The following PIK3C3 variants were observed in gnomAD, a reference collection of about 807,000 sequenced individuals.
The protein encoded by PIK3C3 is PI3-kinase type 3.
A neutral mutation model predicts 126.1 loss-of-function variants in PIK3C3; 95 were observed. The observed-to-expected ratio is 0.75, with a 90% CI of 0.64 to 0.89. PIK3C3 has a LOEUF of 0.89. Among genes scored for constraint, PIK3C3 ranks in the 40% least tolerant of loss-of-function variants. PIK3C3 has a pLI of 0.00. For synonymous variants in PIK3C3, 374 were observed against 360.0 expected, an observed-to-expected ratio of 1.04 and a Z score of -0.44; for missense variants, 829 against 1,063.2, an observed-to-expected ratio of 0.78 and a Z score of 3.06.
intron 4 of PIK3C3, among the ~76,000 whole-genome samples, chr18:41,975,824 C>T (rs1368119378): frequency 1.3e-5 from 2 of 151,974 alleles, no homozygotes; most frequent in Middle Eastern, 3.4e-3. Context: ...CTCAGCCTCC[C>T]AGGTAGCTGT....
chr18:42,045,762 G>A (rs764447194), intron 20 of PIK3C3, among the ~76,000 whole-genome samples: 11 of 152,016 alleles, frequency 7.2e-5, no homozygotes, highest in Non-Finnish European at 1.3e-4. Flanking sequence ...CAGAATTTGT[G>A]GCCATTTCCA....
At chr18:42,039,766 A>C (rs1033691612) in intron 18 of PIK3C3, among the ~76,000 whole-genome samples, 1 of 152,276 alleles carries the variant, frequency 6.6e-6, no homozygotes, top group Non-Finnish European at 1.5e-5. Context: ...CCCTTTATTC[A>C]TAGTATTTAC....
chr18:41,955,401 T>C, intron 1 of PIK3C3, 42 bp downstream of exon 1: 6 of 1,550,768 alleles, frequency 3.9e-6, no homozygotes, highest in Non-Finnish European at 5.3e-6. Context: ...TGCTGGGGCG[T>C]AGGGACGTGG....
intron 20 of PIK3C3, among the ~76,000 whole-genome samples, chr18:42,044,681 A>C (rs1016951731): frequency 6.6e-6 from 1 of 152,132 alleles, no homozygotes; most frequent in African/African-American, 2.4e-5. Context: ...TGGCCTCCCA[A>C]AGTGCAAAGA....
chr18:41,981,614 T>G (rs1309971021), intron 4 of PIK3C3, among the ~76,000 whole-genome samples: 1 of 152,100 alleles, frequency 6.6e-6, no homozygotes, highest in Non-Finnish European at 1.5e-5. Flanking sequence ...CTAATCTCAG[T>G]AGTTCAAATA....
At chr18:42,029,533 AATTTT>A in intron 15 of PIK3C3, 92 bp downstream of exon 15, 1 of 373,870 alleles carries the variant, frequency 2.7e-6, no homozygotes, top group Non-Finnish European at 4.9e-6. Flanking sequence ...TTGATACGTG[AATTTT>A]TTTTTTTTTT....
At chr18:41,975,985 C>G (rs1283272367) in intron 4 of PIK3C3, among the ~76,000 whole-genome samples, 1 of 152,140 alleles carries the variant, frequency 6.6e-6, no homozygotes, top group Non-Finnish European at 1.5e-5. Context: ...CAGGCGTGAG[C>G]CACCACGCCT....
intron 4 of PIK3C3, among the ~76,000 whole-genome samples, chr18:41,983,970 AC>A (rs774178254): frequency 6.3e-5 from 9 of 143,668 alleles, no homozygotes; most frequent in Non-Finnish European, 9.1e-5. Context: ...TTTTTTTGTG[AC>A]AGTGTACTTT....
At chr18:42,022,469 C>T (rs933356052) in intron 13 of PIK3C3, among the ~76,000 whole-genome samples, 7 of 152,036 alleles carry the variant, frequency 4.6e-5, no homozygotes, top group Non-Finnish European at 7.4e-5. Flanking sequence ...ATGAACTCAT[C>T]CTTTTTTATG....
intron 7 of PIK3C3, 102 bp from the exon 8 acceptor site, chr18:41,995,788 G>A (rs1981996378): frequency 1.3e-6 from 1 of 756,882 alleles, no homozygotes; most frequent in Non-Finnish European, 2.3e-6. Context: ...CAAAACATTA[G>A]ATATTATTAA....
intron 9 of PIK3C3, among the ~76,000 whole-genome samples, chr18:41,998,192 C>A (rs978646155): frequency 2.6e-5 from 4 of 151,990 alleles, no homozygotes; most frequent in African/African-American, 9.7e-5. Flanking sequence ...CCTTTATATC[C>A]ATAATAAGAA....
chr18:41,968,818 G>GT (rs147168600), intron 3 of PIK3C3, among the ~76,000 whole-genome samples: 5,472 of 147,126 alleles, frequency 0.037, 314 homozygotes, highest in African/African-American at 0.13. Context: ...TTTTTTTGTT[G>GT]TTTTTTTTTT....
intron 24 of PIK3C3, among the ~76,000 whole-genome samples, chr18:42,073,224 C>T (rs1985849114): frequency 6.6e-6 from 1 of 152,204 alleles, no homozygotes; most frequent in East Asian, 1.9e-4. Context: ...GGAATCCTTA[C>T]TCATCACTTG....
intron 4 of PIK3C3, among the ~76,000 whole-genome samples, chr18:41,981,849 G>T (rs536519991): frequency 2.0e-5 from 3 of 151,416 alleles, no homozygotes; most frequent in African/African-American, 7.3e-5. Flanking sequence ...GGTGGTGCAT[G>T]CCTGTAATCC....
intron 12 of PIK3C3, among the ~76,000 whole-genome samples, chr18:42,016,929 T>C (rs761295691): frequency 3.2e-4 from 48 of 152,106 alleles, no homozygotes; most frequent in Admixed American, 5.2e-4. Context: ...GAATATTGAT[T>C]TACACTCCCC....
At chr18:42,047,254 G>A (rs1984597667) in intron 20 of PIK3C3, among the ~76,000 whole-genome samples, 1 of 152,148 alleles carries the variant, frequency 6.6e-6, no homozygotes, top group East Asian at 1.9e-4. Flanking sequence ...GTACAGTGAT[G>A]TTATTTTTCA....
intron 22 of PIK3C3, among the ~76,000 whole-genome samples, chr18:42,063,658 C>A (rs1050499591): frequency 6.6e-6 from 1 of 152,008 alleles, no homozygotes; most frequent in African/African-American, 2.4e-5. Context: ...TATGGATAGT[C>A]ATTTTTCTAT....
chr18:41,995,674 G>A (rs1389403630), intron 7 of PIK3C3, among the ~76,000 whole-genome samples: 1 of 152,098 alleles, frequency 6.6e-6, no homozygotes, highest in Non-Finnish European at 1.5e-5. Flanking sequence ...GTAATGACGT[G>A]TGTATTATGG....
intron 10 of PIK3C3, among the ~76,000 whole-genome samples, chr18:42,006,847 T>TA (rs1289445433): frequency 1.5e-4 from 22 of 150,174 alleles, no homozygotes; most frequent in Admixed American, 3.4e-4. Context: ...GGGTATGTTT[T>TA]AAAAATCATA....
Sources: gnomAD v4.1 joint callset for allele counts (sites outside exome capture counted in the v4.1 genomes callset) on GRCh38, gnomAD v4.1.1 for gene constraint, MANE v1.5 for transcripts, NCBI Gene and HGNC (gene_info 2026-07-23, HGNC 2026-07-21) for gene names.